The following ZNF157 variants were observed in gnomAD, a reference collection of about 807,000 sequenced individuals.
The protein encoded by ZNF157 is zinc finger protein 157.
A neutral mutation model predicts 9.4 loss-of-function variants in ZNF157; 8 were observed. The ratio of observed to expected loss-of-function variants is 0.85; its 90% CI spans 0.50 to 1.53. The LOEUF (loss-of-function observed/expected upper bound fraction) is 1.53, where lower values mean the gene tolerates loss of function less well. ZNF157 is among the 40% of genes most tolerant of loss of function. The pLI, the probability that ZNF157 is intolerant of heterozygous loss-of-function variation, is 0.00. For missense variants in ZNF157, 316 were observed against 385.2 expected, an observed-to-expected ratio of 0.82 and a Z score of 1.50; for synonymous variants, 120 against 130.8, an observed-to-expected ratio of 0.92 and a Z score of 0.56.
At chrX:47,403,684 A>G (rs1161176019) in intron 1 of ZNF157, among the ~76,000 whole-genome samples, 1 of 111,752 alleles carries the variant, frequency 8.9e-6, no homozygotes, top group African/African-American at 3.2e-5. Flanking sequence ...ATCAAGAACC[A>G]GGAACATTTC....
intron 1 of ZNF157, among the ~76,000 whole-genome samples, chrX:47,378,066 C>T (rs901749502): frequency 3.6e-5 from 4 of 111,161 alleles, no homozygotes; most frequent in East Asian, 2.8e-4. Context: ...GCCAGCTGTA[C>T]GGGAGACTGG....
intron 1 of ZNF157, among the ~76,000 whole-genome samples, chrX:47,384,582 A>T (rs1379308420): frequency 8.9e-6 from 1 of 112,376 alleles, no homozygotes; most frequent in Non-Finnish European, 1.9e-5. Context: ...GCTAAACGGG[A>T]ACCAGTAAGA....
intron 1 of ZNF157, among the ~76,000 whole-genome samples, chrX:47,385,533 C>T (rs907908902): frequency 9.9e-5 from 9 of 90,680 alleles, no homozygotes; most frequent in African/African-American, 3.7e-4. Flanking sequence ...CAGTGCTGCC[C>T]TAAGCGATTC....
chrX:47,373,028 C>G (rs2055833231), intron 1 of ZNF157, among the ~76,000 whole-genome samples: 1 of 107,033 alleles, frequency 9.3e-6, no homozygotes, highest in South Asian at 4.3e-4. Flanking sequence ...GATAAAACCT[C>G]ATCTCTACTA....
intron 1 of ZNF157, among the ~76,000 whole-genome samples, chrX:47,388,284 A>G (rs1320883073): frequency 9.2e-6 from 1 of 108,876 alleles, no homozygotes; most frequent in Non-Finnish European, 1.9e-5. Flanking sequence ...GATGAGGTCT[A>G]TGTTGCCCTG....
chrX:47,393,777 C>T (rs1194687122), intron 1 of ZNF157, among the ~76,000 whole-genome samples: 1 of 87,243 alleles, frequency 1.1e-5, no homozygotes, highest in Non-Finnish European at 2.2e-5. Context: ...CTTGCTCTGT[C>T]GCCCAGGCTG....
At chrX:47,400,375 GT>G (rs1181545614) in intron 1 of ZNF157, among the ~76,000 whole-genome samples, 3 of 110,149 alleles carry the variant, frequency 2.7e-5, no homozygotes, top group Non-Finnish European at 5.7e-5. Context: ...GCCAAGGCTC[GT>G]CTCAAACTCT....
chrX:47,390,542 C>G (rs1240747911), intron 1 of ZNF157: 1 of 111,580 alleles, frequency 9.0e-6, no homozygotes, highest in Non-Finnish European at 1.9e-5. Flanking sequence ...CCCGTCTCTA[C>G]TAAAAATACA....
intron 1 of ZNF157, among the ~76,000 whole-genome samples, chrX:47,392,944 C>G (rs1247471597): frequency 8.1e-5 from 9 of 111,115 alleles, no homozygotes; most frequent in Non-Finnish European, 1.7e-4. Context: ...TCTCTGAGGT[C>G]AGGAGTTCGA....
intron 3 of ZNF157, among the ~76,000 whole-genome samples, chrX:47,412,158 C>T (rs922399870): frequency 9.0e-6 from 1 of 111,259 alleles, no homozygotes; most frequent in Non-Finnish European, 1.9e-5. Flanking sequence ...GGAGTTTTGC[C>T]ATGTTGGGCA....
At chrX:47,403,712 A>C (rs988931839) in intron 1 of ZNF157, among the ~76,000 whole-genome samples, 1 of 111,940 alleles carries the variant, frequency 8.9e-6, no homozygotes, top group Admixed American at 9.6e-5. Context: ...ATGAGAAAAA[A>C]ATCAATGGGT....
chrX:47,389,726 C>T (rs1454029015), intron 1 of ZNF157, among the ~76,000 whole-genome samples: 2 of 111,130 alleles, frequency 1.8e-5, no homozygotes, highest in Admixed American at 9.7e-5. Context: ...CTTGGCAAAA[C>T]CCCGTCTCTA....
intron 1 of ZNF157, among the ~76,000 whole-genome samples, chrX:47,406,058 A>G (rs1311809960): frequency 9.4e-6 from 1 of 106,337 alleles, no homozygotes; most frequent in Non-Finnish European, 1.9e-5. Context: ...TTGTGTCCTC[A>G]TAGCTTTGCT....
In ZNF157 at chrX:47,413,571, A is replaced by AC. The variant is rs773294145; in HGVS notation, c.1499dup (p.Met501AsnfsTer58). ...TCACATAGGCTGGTCCTGGCGTTGT[A>AC]CAATGAAGAAAGCCTCTCACTGAAG... On this transcript the variant is annotated frameshift_variant, in exon 4 of 4. Coordinates refer to ENST00000377073, the MANE Select transcript of ZNF157 (RefSeq NM_003446.4). LOFTEE classifies it high-confidence loss of function. 3.3e-6 allele frequency: 4 copies of AC among 1,195,996 alleles called. No individual in the cohort carries two copies. Among genetic ancestry groups the AC allele is most frequent in the Non-Finnish European group, 4.5e-6 (4 of 886,976 alleles).
intron 1 of ZNF157, among the ~76,000 whole-genome samples, chrX:47,399,500 A>G (rs1230530546): frequency 4.5e-5 from 5 of 112,062 alleles, no homozygotes; most frequent in South Asian, 3.7e-4. Context: ...GGAGAATTGT[A>G]TAGTCATATT....
intron 2 of ZNF157, 97 bp downstream of exon 2, chrX:47,410,499 G>A (rs1343593252): frequency 1.9e-6 from 2 of 1,076,128 alleles, no homozygotes; most frequent in African/African-American, 3.7e-5. Flanking sequence ...GATATTAAGA[G>A]TCACAGATGA....
At chrX:47,387,643 G>C (rs745789436) in intron 1 of ZNF157, among the ~76,000 whole-genome samples, 3 of 109,440 alleles carry the variant, frequency 2.7e-5, no homozygotes, top group Non-Finnish European at 5.7e-5. Context: ...AGTCGGGCGC[G>C]GTGGCTCACA....
rs1166208004 is a variant in ZNF157, at chrX:47,412,419, A to G, written c.346A>G (p.Arg116Gly). ...GNGSVGDNAL[R>G]HDNDLLHHQK... ...TGGTTCTGTTGGGGATAATGCCCTC[A>G]GGCATGATAATGACCTTCTTCACCA... is the stretch of plus-strand genomic sequence containing the variant. Residue 116 changes from arginine (R) to glycine (G), a missense_variant, in exon 4 of 4, where the codon AGG (arginine) becomes GGG (glycine). Arg to Gly is a moderately radical substitution (Grantham distance 125). Transcript: ENST00000377073. 1.7e-6 allele frequency: 2 copies of G among 1,210,852 alleles called. No homozygotes were observed. Among genetic ancestry groups the G allele is most frequent in the East Asian group, 5.9e-5 (2 of 33,846 alleles).
intron 1 of ZNF157, among the ~76,000 whole-genome samples, chrX:47,408,821 C>G (rs1247089680): frequency 9.0e-6 from 1 of 111,525 alleles, no homozygotes; most frequent in Non-Finnish European, 1.9e-5. Flanking sequence ...ATGACAGCAC[C>G]AAGGGAGGAT....
Sources: gnomAD v4.1 joint callset for allele counts (sites outside exome capture counted in the v4.1 genomes callset) on GRCh38, gnomAD v4.1.1 for gene constraint, MANE v1.5 for transcripts, NCBI Gene and HGNC (gene_info 2026-07-23, HGNC 2026-07-21) for gene names.